Variants in PKP4 observed in about 807,000 individuals in gnomAD.
PKP4 encodes the protein plakophilin 4.
A neutral mutation model predicts 145.1 loss-of-function variants in PKP4; 90 were observed. The observed-to-expected ratio is 0.62, with a 90% CI of 0.52 to 0.74. The LOEUF is 0.74. Ranked by LOEUF, PKP4 falls within the 30% of genes least tolerant of loss-of-function variation. PKP4 has a pLI of 0.00. For missense variants in PKP4, 1,340 were observed against 1,482.7 expected, an observed-to-expected ratio of 0.90 and a Z score of 1.58; for synonymous variants, 563 against 577.2, an observed-to-expected ratio of 0.98 and a Z score of 0.35.
chr2:158,680,297 G>A (rs934424682), intron 21 of PKP4, 132 bp from the exon 22 acceptor site: 12 of 698,558 alleles, frequency 1.7e-5, no homozygotes, highest in Non-Finnish European at 2.8e-5. Context: ...ACCAGAAACA[G>A]CTTTTAACCT....
intron 11 of PKP4, 53 bp downstream of exon 11, chr2:158,642,752 C>G: frequency 7.2e-7 from 1 of 1,387,928 alleles, no homozygotes. Flanking sequence ...ACAGTCTGGA[C>G]TGTGCCCTTG....
At chr2:158,633,889 G>T (rs1429789003) in intron 8 of PKP4, among the ~76,000 whole-genome samples, 181 bp from the exon 9 acceptor site, 1 of 152,018 alleles carries the variant, frequency 6.6e-6, no homozygotes, top group African/African-American at 2.4e-5. Flanking sequence ...AAATATTTAT[G>T]TACATTAAAA....
chr2:158,586,486 C>G (rs2048813718), intron 3 of PKP4, among the ~76,000 whole-genome samples: 1 of 152,152 alleles, frequency 6.6e-6, no homozygotes. Flanking sequence ...GTCAAATATT[C>G]TAAAGCTCCC....
chr2:158,588,661 A>G (rs2049002886), intron 3 of PKP4, among the ~76,000 whole-genome samples: 1 of 152,200 alleles, frequency 6.6e-6, no homozygotes, highest in Non-Finnish European at 1.5e-5. Flanking sequence ...ACATTAGTAC[A>G]GTGACACGTA....
At chr2:158,557,737 G>C (rs750847101) in intron 2 of PKP4, among the ~76,000 whole-genome samples, 2 of 152,122 alleles carry the variant, frequency 1.3e-5, no homozygotes, top group Admixed American at 6.5e-5. Context: ...TGATAACTTA[G>C]GTTTAGATCC....
At chr2:158,514,558 T>C (rs1307722489) in intron 1 of PKP4, among the ~76,000 whole-genome samples, 1 of 152,230 alleles carries the variant, frequency 6.6e-6, no homozygotes, top group African/African-American at 2.4e-5. Context: ...AAGGATGTTA[T>C]CACAACTGAG....
chr2:158,507,184 G>A (rs905551114), intron 1 of PKP4, among the ~76,000 whole-genome samples: 4 of 152,074 alleles, frequency 2.6e-5, no homozygotes, highest in African/African-American at 9.6e-5. Flanking sequence ...CAGTGGTGCA[G>A]ATATATTGAT....
rs770386499 is a variant in PKP4, at chr2:158,658,194, C to T, written c.1973C>T (p.Ser658Leu). ...VKMTIIRDALSTLTNTVIVPH... is the reference protein window; with the variant it reads ...VKMTIIRDALLTLTNTVIVPH... ...ATGACAATCATTCGAGATGCTCTCT[C>T]AACCTTAACAAACACTGTGATTGTT... The change falls in exon 12 of 22, where the codon TCA becomes TTA. Residue 658 changes from serine (S) to leucine (L), a missense_variant. Physicochemically the swap from Ser to Leu is moderately radical, Grantham distance 145 (BLOSUM62 -2). Coordinates refer to ENST00000389759, the MANE Select transcript of PKP4 (RefSeq NM_003628.6). 1 of 1,603,754 alleles carries T rather than the reference C, an allele frequency of 6.2e-7. No homozygotes were observed. Among genetic ancestry groups the T allele is most frequent in the East Asian group, 2.2e-5 (1 of 44,782 alleles).
rs182557531 is a variant in PKP4 at position 158,621,220 on chromosome 2, C to A, written c.413-11C>A. 1.4e-3 allele frequency: 2,195 copies of A among 1,613,922 alleles called. 4 individuals carry two copies. Among genetic ancestry groups the A allele is most frequent in the Middle Eastern group, 9.6e-3 (58 of 6,062 alleles). On this transcript the variant is annotated splice_polypyrimidine_tract_variant and intron_variant, in intron 5 of 21. Transcript: ENST00000389759. ...GTATAATAAAGATATTTCTTGGTTTCATTCTTACAGGATCATTGGGTAACT... is the reference window on the plus strand; with the variant it reads ...GTATAATAAAGATATTTCTTGGTTTAATTCTTACAGGATCATTGGGTAACT...
intron 2 of PKP4, among the ~76,000 whole-genome samples, chr2:158,562,880 A>G (rs2046665150): frequency 6.6e-6 from 1 of 152,166 alleles, no homozygotes; most frequent in African/African-American, 2.4e-5. Flanking sequence ...TTTATATAAA[A>G]TTTTTAAGAA....
At chr2:158,610,394 A>G (rs1358428025) in intron 4 of PKP4, among the ~76,000 whole-genome samples, 5 of 152,246 alleles carry the variant, frequency 3.3e-5, no homozygotes, top group Non-Finnish European at 7.3e-5. Flanking sequence ...ATAAACATCA[A>G]AATCACAGAA....
chr2:158,662,963 G>T lies in PKP4; in HGVS notation c.2278G>T (p.Ala760Ser). 4 of 1,613,744 alleles carry T rather than the reference G, an allele frequency of 2.5e-6. No individual in the cohort carries two copies. The highest frequency in any genetic ancestry group is 3.4e-6 in the Non-Finnish European group (4 of 1,179,892). Residue 760 changes from alanine to serine, a missense_variant, in exon 14 of 22, where the codon GCC becomes TCC. Transcript: ENST00000389759. ...SYRLELEVPQARLLGLNELDD... is the reference protein window; with the variant it reads ...SYRLELEVPQSRLLGLNELDD... ...TCGGCTGGAGCTGGAGGTGCCCCAGGCCCGGTTACTGGGACTGAACGAATT... is the reference window on the plus strand; with the variant it reads ...TCGGCTGGAGCTGGAGGTGCCCCAGTCCCGGTTACTGGGACTGAACGAATT...
intron 2 of PKP4, among the ~76,000 whole-genome samples, chr2:158,567,466 G>A (rs1574522256): frequency 6.6e-6 from 1 of 152,210 alleles, no homozygotes. Flanking sequence ...GGGTTGGGTT[G>A]GGTAGAGCGT....
Position 158,663,347 on chromosome 2 carries a change from G to T in PKP4, c.2479G>T (p.Val827Leu). Residue 827 changes from valine (V) to leucine (L), a missense_variant, in exon 15 of 22, where the codon GTA becomes TTA. Val to Leu is a conservative substitution (Grantham distance 32). Transcript: ENST00000389759. ...GVEMLWHPSVVKPYLTLLAES... is the reference protein window; with the variant it reads ...GVEMLWHPSVLKPYLTLLAES... ...TGAGATGCTGTGGCACCCATCGGTGGTAAAACCATATCTGACTCTTCTAGC... is the reference window on the plus strand; with the variant it reads ...TGAGATGCTGTGGCACCCATCGGTGTTAAAACCATATCTGACTCTTCTAGC... 1 of 1,614,088 alleles carries T rather than the reference G, an allele frequency of 6.2e-7. No individual in the cohort carries two copies. The highest frequency in any genetic ancestry group is 8.5e-7 in the Non-Finnish European group (1 of 1,179,982).
intron 1 of PKP4, among the ~76,000 whole-genome samples, chr2:158,528,321 T>G (rs376929074): frequency 0.02 from 2,746 of 136,440 alleles, 16 homozygotes; most frequent in South Asian, 0.037. Flanking sequence ...AAAATGATGA[T>G]TTCATGTCCT....
At chr2:158,547,473 A>T (rs2045175569) in intron 2 of PKP4, among the ~76,000 whole-genome samples, 2 of 152,190 alleles carry the variant, frequency 1.3e-5, no homozygotes, top group Admixed American at 1.3e-4. Context: ...ATCTGTAACA[A>T]CAGAAAGCAA....
rs766616077 is a variant in PKP4, at chr2:158,625,108, A to T, written c.834A>T (p.Arg278Ser). 1 of 1,613,866 alleles carries T rather than the reference A, an allele frequency of 6.2e-7. No homozygotes were observed. The highest frequency in any genetic ancestry group is 8.5e-7 in the Non-Finnish European group (1 of 1,179,950). Residue 278 changes from arginine (R) to serine (S), a missense_variant, in exon 7 of 22, where the codon AGA (arginine) becomes AGT (serine). Transcript: ENST00000389759. ...AARAASPYSQ[R>S]PASPTAIRRI... The stretch of plus-strand genomic sequence containing the variant: ...GGGCAGCCTCTCCGTACTCACAGAG[A>T]CCCGCCTCCCCAACAGCTATACGGC...
intron 2 of PKP4, among the ~76,000 whole-genome samples, chr2:158,534,759 C>T (rs1203713804): frequency 6.6e-6 from 1 of 152,072 alleles, no homozygotes; most frequent in Non-Finnish European, 1.5e-5. Context: ...AATAAGGAAA[C>T]TTGTTAAGAT....
At position 158,681,330 on chromosome 2, in the gene PKP4, G is replaced by T. The variant is rs955112994; in HGVS notation, c.*653G>T. 2.6e-5 allele frequency: 4 copies of T among 152,638 alleles called. No individual in the cohort carries two copies. Among genetic ancestry groups the T allele is most frequent in the Admixed American group, 2.0e-4 (3 of 15,274 alleles). The allele number at this position is 152,638 out of a possible 1,614,324, so 9.5% of individuals were successfully genotyped here. A position where few individuals can be genotyped will look rare whatever the true frequency, so the allele number is the denominator to read the frequency against. On this transcript the variant is annotated 3_prime_UTR_variant, in exon 22 of 22. Coordinates refer to ENST00000389759, the MANE Select transcript of PKP4 (RefSeq NM_003628.6). Reference sequence around the variant, plus strand: ...GAAGCACAACGTCCAGGCTGGTACCGCAGCGCCATGCCCATTCCTCGCCTC... The same window carrying T: ...GAAGCACAACGTCCAGGCTGGTACCTCAGCGCCATGCCCATTCCTCGCCTC...
Sources: allele counts gnomAD v4.1 joint callset (sites outside exome capture counted in the v4.1 genomes callset), GRCh38; gene constraint gnomAD v4.1.1; transcripts MANE v1.5; gene names NCBI Gene and HGNC (gene_info 2026-07-23, HGNC 2026-07-21).